The following PDZRN3 variants were observed in gnomAD, a reference collection of about 807,000 sequenced individuals.
The protein encoded by PDZRN3 is E3 ubiquitin-protein ligase PDZRN3.
In PDZRN3, 38 loss-of-function variants were observed where a neutral mutation model predicts 85.7. The ratio of observed to expected loss-of-function variants is 0.44; its 90% CI spans 0.34 to 0.58. PDZRN3 has a LOEUF of 0.58. Ranked by LOEUF, PDZRN3 falls within the 20% of genes least tolerant of loss-of-function variation. The probability of loss-of-function intolerance (pLI) is 0.01; values close to 1 mark genes in which losing one functional copy is unlikely to be tolerated. For missense variants in PDZRN3, 1,629 were observed against 1,506.4 expected, an observed-to-expected ratio of 1.08 and a Z score of -1.35; for synonymous variants, 759 against 638.0, an observed-to-expected ratio of 1.19 and a Z score of -2.86.
intron 3 of PDZRN3, among the ~76,000 whole-genome samples, chr3:73,432,673 T>G (rs1702456103): frequency 6.6e-6 from 1 of 152,206 alleles, no homozygotes; most frequent in Admixed American, 6.5e-5. Context: ...AAATTCTTTT[T>G]TAAAAACTCT....
intron 3 of PDZRN3, among the ~76,000 whole-genome samples, chr3:73,468,714 C>A (rs1703273179): frequency 1.3e-5 from 2 of 152,176 alleles, no homozygotes; most frequent in African/African-American, 4.8e-5. Context: ...AGCACCCCCA[C>A]CCAAACCCTC....
chr3:73,393,514 GGT>G (rs1701571070), intron 5 of PDZRN3, among the ~76,000 whole-genome samples: 1 of 152,204 alleles, frequency 6.6e-6, no homozygotes, highest in African/African-American at 2.4e-5. Flanking sequence ...GACCAGTTCA[GGT>G]GTTGGTGAAC....
intron 2 of PDZRN3, 74 bp from the exon 3 acceptor site, chr3:73,602,535 A>G: frequency 1.3e-6 from 1 of 779,264 alleles, no homozygotes; most frequent in Non-Finnish European, 2.2e-6. Context: ...TTGCACTCTT[A>G]AAACAGTAAT....
intron 2 of PDZRN3, among the ~76,000 whole-genome samples, chr3:73,608,068 C>T (rs752271013): frequency 1.8e-4 from 27 of 152,270 alleles, no homozygotes; most frequent in Admixed American, 1.2e-3. Flanking sequence ...GATTTGAATT[C>T]GGCCTCTTCT....
At chr3:73,600,335 A>ACTCTCTCTCT (rs555285407) in intron 3 of PDZRN3, among the ~76,000 whole-genome samples, 1,602 of 46,560 alleles carry the variant, frequency 0.034, 8 homozygotes, top group African/African-American at 0.052. Context: ...ACACACACAC[A>ACTCTCTCTCT]CACTCTCTCT....
intron 3 of PDZRN3, among the ~76,000 whole-genome samples, chr3:73,409,334 C>G (rs574215043): frequency 6.6e-6 from 1 of 152,136 alleles, no homozygotes; most frequent in South Asian, 2.1e-4. Context: ...GTTGCTCTTC[C>G]TAGGAGGTAC....
chr3:73,624,819 A>C lies in PDZRN3; in HGVS notation c.7T>G (p.Phe3Val), dbSNP rs910251549. Residue 3 changes from phenylalanine to valine, a missense_variant, in exon 1 of 10, where the codon TTC becomes GTC. Coordinates refer to ENST00000263666, the MANE Select transcript of PDZRN3 (RefSeq NM_015009.3). Reference sequence around the variant, plus strand: ...TCGCCGTCGAAGCGGTCCAGCTCGAAGCCCATGGTGGCGGCCAGGCCCCGG... The same window carrying C: ...TCGCCGTCGAAGCGGTCCAGCTCGACGCCCATGGTGGCGGCCAGGCCCCGG... MG[F>V]ELDRFDGDVD... 2.1e-5 allele frequency: 28 copies of C among 1,338,430 alleles called. No homozygotes were observed. The highest frequency in any genetic ancestry group is 2.6e-5 in the Non-Finnish European group (27 of 1,048,196). 82.9% of individuals were successfully genotyped at this position (1,338,430 alleles called of 1,614,324 possible).
intron 3 of PDZRN3, chr3:73,569,405 G>C (rs1223367648): frequency 1.7e-6 from 2 of 1,168,510 alleles, no homozygotes; most frequent in South Asian, 1.7e-5. Flanking sequence ...ACCTGTACAA[G>C]AGTACATATT....
intron 3 of PDZRN3, among the ~76,000 whole-genome samples, chr3:73,461,702 A>G (rs1187651169): frequency 6.6e-6 from 1 of 152,242 alleles, no homozygotes; most frequent in Non-Finnish European, 1.5e-5. Flanking sequence ...TTTTGCGGAC[A>G]GCAGATGCAT....
chr3:73,577,698 A>G (rs953084014), intron 3 of PDZRN3, among the ~76,000 whole-genome samples: 5 of 152,100 alleles, frequency 3.3e-5, no homozygotes, highest in African/African-American at 1.2e-4. Context: ...TCCTGTCTTG[A>G]CAGCCCTCTT....
In PDZRN3 at chr3:73,598,136, T is replaced by G. The variant is rs144193558; in HGVS notation, c.918+4218A>C. Among the ~76,000 whole-genome samples the G allele has an allele frequency of 3.8e-3, 580 of 152,280 alleles. 7 individuals are homozygous for G. Among genetic ancestry groups the G allele is most frequent in the Middle Eastern group, 0.02 (6 of 294 alleles). On this transcript the variant is annotated intron_variant, in intron 3 of 9. Coordinates refer to ENST00000263666, the MANE Select transcript of PDZRN3 (RefSeq NM_015009.3). ...CAGAGAAAGGTGGTGTGTTTGTGGATGAGGAAATCTGCCTCAGTTGGATAA... is the reference window on the plus strand; with the variant it reads ...CAGAGAAAGGTGGTGTGTTTGTGGAGGAGGAAATCTGCCTCAGTTGGATAA...
intron 7 of PDZRN3, among the ~76,000 whole-genome samples, chr3:73,389,199 C>G (rs931648975): frequency 3.3e-5 from 5 of 151,942 alleles, no homozygotes; most frequent in African/African-American, 1.2e-4. Flanking sequence ...ACAATGAAGC[C>G]AAGAATTTCA....
chr3:73,495,822 C>G (rs1703855927), intron 3 of PDZRN3, among the ~76,000 whole-genome samples: 1 of 152,134 alleles, frequency 6.6e-6, no homozygotes, highest in South Asian at 2.1e-4. Context: ...TTTTTCTCCA[C>G]TTTTTAAGGA....
intron 3 of PDZRN3, among the ~76,000 whole-genome samples, chr3:73,514,981 T>G (rs1406704506): frequency 1.3e-5 from 2 of 152,176 alleles, no homozygotes; most frequent in African/African-American, 4.8e-5. Context: ...CATCTAAATC[T>G]AGCATACCTG....
chr3:73,394,356 A>C (rs931857093), intron 5 of PDZRN3, among the ~76,000 whole-genome samples: 3 of 152,176 alleles, frequency 2.0e-5, no homozygotes, highest in African/African-American at 7.2e-5. Context: ...AATGGCGTAG[A>C]GCCCAATGCT....
chr3:73,501,998 G>A (rs893874227), intron 3 of PDZRN3, among the ~76,000 whole-genome samples: 1 of 151,884 alleles, frequency 6.6e-6, no homozygotes, highest in African/African-American at 2.4e-5. Flanking sequence ...CTGGGTGACA[G>A]AACCAGATTC....
At chr3:73,525,885 G>T (rs1704510964) in intron 3 of PDZRN3, among the ~76,000 whole-genome samples, 1 of 152,178 alleles carries the variant, frequency 6.6e-6, no homozygotes, top group Admixed American at 6.5e-5. Context: ...GCTGTGCATT[G>T]TCTTTATGTT....
chr3:73,388,094 G>T, intron 7 of PDZRN3, 25 bp from the exon 8 acceptor site: 1 of 1,053,552 alleles, frequency 9.5e-7, no homozygotes, highest in South Asian at 1.5e-5. Flanking sequence ...GGGGGGGTGG[G>T]GAGAGTGGGG....
rs985768655 is a variant in PDZRN3, at chr3:73,540,447, G to T, written c.918+61907C>A. On this transcript the variant is annotated intron_variant, in intron 3 of 9. Coordinates refer to ENST00000263666, the MANE Select transcript of PDZRN3 (RefSeq NM_015009.3). ...AAAATGACTGTTACGGTTTGGCTGT[G>T]TCCCCACCCAAATCTCATCTTAAAT... is the stretch of plus-strand genomic sequence containing the variant. 1.1e-4 allele frequency among the ~76,000 whole-genome samples: 17 copies of T among 152,250 alleles called. No homozygotes were observed. The East Asian group carries it at 1.9e-3, about 17-fold the overall frequency.
Sources: gnomAD v4.1 joint callset for allele counts (sites outside exome capture counted in the v4.1 genomes callset) on GRCh38, gnomAD v4.1.1 for gene constraint, MANE v1.5 for transcripts, NCBI Gene and HGNC (gene_info 2026-07-23, HGNC 2026-07-21) for gene names.